The following ALDH18A1 variants were observed in gnomAD, a reference collection of about 807,000 sequenced individuals.
The protein encoded by ALDH18A1 is aldehyde dehydrogenase 18 family member A1.
ALDH18A1 carries 44 observed loss-of-function variants against 88.8 expected under a neutral mutation model. The observed-to-expected ratio is 0.50, with a 90% CI of 0.39 to 0.64. The LOEUF (loss-of-function observed/expected upper bound fraction) is 0.64, where lower values mean the gene tolerates loss of function less well. Ranked by LOEUF, ALDH18A1 falls within the 30% of genes least tolerant of loss-of-function variation. ALDH18A1 has a pLI of 0.00. For synonymous variants in ALDH18A1, 331 were observed against 372.1 expected, an observed-to-expected ratio of 0.89 and a Z score of 1.27; for missense variants, 782 against 1,009.5, an observed-to-expected ratio of 0.77 and a Z score of 3.05.
chr10:95,624,376 T>C (rs1461128962), intron 11 of ALDH18A1, among the ~76,000 whole-genome samples: 1 of 152,204 alleles, frequency 6.6e-6, no homozygotes, highest in African/African-American at 2.4e-5. Flanking sequence ...AATGAGTGGA[T>C]AGTATCAAAG....
At chr10:95,643,503 A>G (rs1481708374) in intron 2 of ALDH18A1, among the ~76,000 whole-genome samples, 1 of 152,238 alleles carries the variant, frequency 6.6e-6, no homozygotes, top group Non-Finnish European at 1.5e-5. Context: ...AAAGCCTTAA[A>G]AAAGTTCTCT....
intron 7 of ALDH18A1, chr10:95,628,922 T>A (rs2097864161): frequency 8.1e-6 from 2 of 248,308 alleles, no homozygotes; most frequent in African/African-American, 4.5e-5. Context: ...CAGGATGAAA[T>A]GCAACAGAGG....
intron 7 of ALDH18A1, among the ~76,000 whole-genome samples, chr10:95,631,179 T>C (rs2097868656): frequency 6.6e-6 from 1 of 152,008 alleles, no homozygotes; most frequent in South Asian, 2.1e-4. Context: ...GAGGAGTGAA[T>C]GGAAAGACAT....
At chr10:95,633,724 G>A in intron 5 of ALDH18A1, 75 bp from the exon 6 acceptor site, 2 of 1,518,528 alleles carry the variant, frequency 1.3e-6, no homozygotes, top group Middle Eastern at 1.8e-4. Flanking sequence ...AAGACGCTAA[G>A]AGCAGGGGAG....
chr10:95,610,851 G>T (rs1182613773), intron 16 of ALDH18A1, among the ~76,000 whole-genome samples: 2 of 152,134 alleles, frequency 1.3e-5, no homozygotes, highest in Non-Finnish European at 1.5e-5. Context: ...CACCATTGAG[G>T]CTCCAGTATC....
At chr10:95,610,391 C>A in intron 16 of ALDH18A1, 99 bp from the exon 17 acceptor site, 2 of 1,122,774 alleles carry the variant, frequency 1.8e-6, no homozygotes, top group Non-Finnish European at 1.3e-6. Context: ...GGGTCTGGGT[C>A]CCCACTGGGG....
rs2097839683 is a variant in ALDH18A1, at chr10:95,613,678, G to T, written c.1923+64C>A. ...AAACTGCCTTATATGGTATGGCTGTGCCTGGTCTAATTCCACAGGCTTCTA... is the reference window on the plus strand; with the variant it reads ...AAACTGCCTTATATGGTATGGCTGTTCCTGGTCTAATTCCACAGGCTTCTA... On this transcript the variant is annotated intron_variant, in intron 15 of 17. Coordinates refer to ENST00000371224, the MANE Select transcript of ALDH18A1 (RefSeq NM_002860.4). The T allele has an allele frequency of 2.5e-6, 4 of 1,591,936 alleles. No individual in the cohort carries two copies. In the South Asian group the frequency reaches 4.4e-5, roughly 18 times the overall value.
At chr10:95,642,849 G>A in intron 3 of ALDH18A1, 143 bp downstream of exon 3, 1 of 901,022 alleles carries the variant, frequency 1.1e-6, no homozygotes, top group Non-Finnish European at 1.7e-6. Flanking sequence ...GTCTACAGTG[G>A]GAAACAGTTT....
At chr10:95,652,488 T>G (rs958395645) in intron 2 of ALDH18A1, among the ~76,000 whole-genome samples, 1 of 152,084 alleles carries the variant, frequency 6.6e-6, no homozygotes, top group African/African-American at 2.4e-5. Flanking sequence ...TCCCAACACT[T>G]TGGGAGGGAG....
chr10:95,654,734 TTTG>T (rs1324600265), intron 1 of ALDH18A1, among the ~76,000 whole-genome samples: 3 of 151,332 alleles, frequency 2.0e-5, no homozygotes, highest in African/African-American at 7.3e-5. Context: ...TTAATTGATC[TTTG>T]TTATTTCAAT....
chr10:95,615,715 G>C (rs1213446393), intron 13 of ALDH18A1, among the ~76,000 whole-genome samples: 1 of 152,110 alleles, frequency 6.6e-6, no homozygotes, highest in East Asian at 1.9e-4. Context: ...CAGGTTTGTA[G>C]ACATCCTCCC....
chr10:95,646,290 C>A (rs994242448), intron 2 of ALDH18A1, among the ~76,000 whole-genome samples: 2 of 152,164 alleles, frequency 1.3e-5, no homozygotes, highest in African/African-American at 4.8e-5. Flanking sequence ...AGAAGCCAAT[C>A]AGAATCCAGC....
At chr10:95,620,240 T>C (rs561740758) in intron 12 of ALDH18A1, among the ~76,000 whole-genome samples, 4 of 152,266 alleles carry the variant, frequency 2.6e-5, no homozygotes, top group South Asian at 2.1e-4. Flanking sequence ...TGAGATACCA[T>C]CTCATGCCTG....
At chr10:95,620,350 C>T (rs2097850249) in intron 12 of ALDH18A1, among the ~76,000 whole-genome samples, 1 of 152,144 alleles carries the variant, frequency 6.6e-6, no homozygotes, top group Non-Finnish European at 1.5e-5. Context: ...TAAACTAGTT[C>T]AACCATTGTG....
In ALDH18A1 at chr10:95,621,805, C is replaced by T. The variant is rs555276804; in HGVS notation, c.1247-554G>A. 2.6e-5 allele frequency among the ~76,000 whole-genome samples: 4 copies of T among 152,182 alleles called. No individual in the cohort carries two copies. In the East Asian group the frequency reaches 7.7e-4, roughly 29 times the overall value. On this transcript the variant is annotated intron_variant, in intron 11 of 17. Transcript: ENST00000371224. Reference sequence around the variant, plus strand: ...TCCAGAAATTTATCATTTGTATGAACAGAAAGGCATGTAATAAGGATACTT... The same window carrying T: ...TCCAGAAATTTATCATTTGTATGAATAGAAAGGCATGTAATAAGGATACTT...
In ALDH18A1 at chr10:95,614,095, G is replaced by A. The variant is rs2139541678; in HGVS notation, c.1672C>T (p.Arg558Cys). The change falls in exon 14 of 18, where the codon CGT (arginine) becomes TGT (cysteine). Residue 558 changes from arginine to cysteine, a missense_variant. By Grantham distance (180) the Arg-to-Cys change is radical. Around this residue, in one of 3 missense-constraint regions of ALDH18A1, gnomAD observed 556 missense variants for 654.5 expected, o/e 0.85. Coordinates refer to ENST00000371224, the MANE Select transcript of ALDH18A1 (RefSeq NM_002860.4). ...LDKMIDLIIP[R>C]GSSQLVRDIQ... ...TCTCTGACCAGCTGGGAAGAGCCAC[G>A]TGGAATGATCAGATCTATCATTTTG... 2 of 1,614,172 alleles carry A rather than the reference G, an allele frequency of 1.2e-6. No individual in the cohort carries two copies. Among genetic ancestry groups the A allele is most frequent in the Non-Finnish European group, 1.7e-6 (2 of 1,180,026 alleles).
intron 11 of ALDH18A1, among the ~76,000 whole-genome samples, chr10:95,622,764 C>A (rs1190995230): frequency 6.6e-6 from 1 of 151,692 alleles, no homozygotes; most frequent in Non-Finnish European, 1.5e-5. Flanking sequence ...GTCTCCATCT[C>A]CTGACCTTGT....
chr10:95,609,414 C>T lies in ALDH18A1; in HGVS notation c.2206+783G>A, dbSNP rs578092418. Among the ~76,000 whole-genome samples, 8 of 152,278 alleles carry T rather than the reference C, an allele frequency of 5.3e-5. No homozygotes were observed. The South Asian group carries it at 8.3e-4, about 16-fold the overall frequency. The stretch of plus-strand genomic sequence containing the variant: ...CTACCATTGTGGGGTTTCCTATCTC[C>T]GAGGCAACCTGGCTGTGCCATTTTG... On this transcript the variant is annotated intron_variant, in intron 17 of 17. Transcript: ENST00000371224.
intron 3 of ALDH18A1, among the ~76,000 whole-genome samples, chr10:95,640,152 T>C (rs2097888692): frequency 6.6e-6 from 1 of 152,196 alleles, no homozygotes; most frequent in African/African-American, 2.4e-5. Context: ...TTACCAACTA[T>C]TTGGTTACCC....
Sources: gnomAD v4.1 joint callset for allele counts (sites outside exome capture counted in the v4.1 genomes callset) on GRCh38, gnomAD v4.1.1 for gene constraint, gnomAD v4.1.1 regional missense constraint, MANE v1.5 for transcripts, NCBI Gene and HGNC (gene_info 2026-07-23, HGNC 2026-07-21) for gene names.